PSD4: variants seen among roughly 807,000 people sequenced by gnomAD.
PSD4 encodes the protein PH and SEC7 domain-containing protein 4.
PSD4 carries 59 observed loss-of-function variants against 112.5 expected under a neutral mutation model. The ratio of observed to expected loss-of-function variants is 0.52; its 90% CI spans 0.43 to 0.65. The LOEUF is 0.65. PSD4 is among the 30% of genes least tolerant of loss of function. The probability of loss-of-function intolerance (pLI) is 0.00; values close to 1 mark genes in which losing one functional copy is unlikely to be tolerated. For synonymous variants in PSD4, 533 were observed against 540.0 expected (o/e 0.99, Z 0.18); for missense variants, 1,267 against 1,352.6 (o/e 0.94, Z 0.99).
intron 1 of PSD4, among the ~76,000 whole-genome samples, chr2:113,182,059 G>C (rs1355201851): frequency 1.3e-5 from 2 of 152,230 alleles, no homozygotes; most frequent in African/African-American, 4.8e-5. Context: ...CCCAAGAGAA[G>C]GATCTGATTT....
rs1303046109 is a variant in PSD4 at position 113,208,428 on chromosome 2, T to G, written c.*7013T>G. 2.6e-5 allele frequency: 4 copies of G among 152,192 alleles called. No homozygotes were observed. Among genetic ancestry groups the G allele is most frequent in the Non-Finnish European group, 5.9e-5 (4 of 68,036 alleles). 9.4% of individuals were successfully genotyped at this position (152,192 alleles called of 1,614,324 possible). ...TACTATATTACCTGTAAGACCACAC[T>G]CGGTGTCATCTCCTGCAAACTAGTC... On this transcript the variant is annotated 3_prime_UTR_variant, in exon 17 of 17. Transcript: ENST00000245796.
In PSD4 at chr2:113,199,181, C is replaced by G; in HGVS notation, c.2868C>G (p.Arg956=). 6.6e-7 allele frequency: 1 copy of G among 1,524,332 alleles called. No homozygotes were observed. The highest frequency in any genetic ancestry group is 8.8e-7 in the Non-Finnish European group (1 of 1,138,752). 94.4% of individuals were successfully genotyped at this position (1,524,332 alleles called of 1,614,324 possible). A position where few individuals can be genotyped will look rare whatever the true frequency, so the allele number is the denominator to read the frequency against. The part of the protein sequence containing the change: ...RNLPERRGRG[R]ELEEHRLRKE... Reference sequence around the variant, plus strand: ...TGCCGGAGCGGCGGGGCCGTGGCCGCGAGCTGGAGGAGCACCGCCTGCGGA... The same window carrying G: ...TGCCGGAGCGGCGGGGCCGTGGCCGGGAGCTGGAGGAGCACCGCCTGCGGA... The change falls in exon 16 of 17, where the codon CGC becomes CGG. Residue 956 remains arginine (R), a synonymous_variant. Transcript: ENST00000245796.
intron 1 of PSD4, among the ~76,000 whole-genome samples, chr2:113,181,634 G>A (rs1472563367): frequency 6.6e-6 from 1 of 152,166 alleles, no homozygotes; most frequent in Admixed American, 6.5e-5. Flanking sequence ...CCATGCAGCA[G>A]GCAGTCTGCT....
At chr2:113,187,012 G>A (rs905226633) in intron 5 of PSD4, among the ~76,000 whole-genome samples, 6 of 152,232 alleles carry the variant, frequency 3.9e-5, no homozygotes, top group African/African-American at 1.4e-4. Context: ...GTCCATGCAG[G>A]TTAGCTGTGG....
chr2:113,197,425 G>C, intron 12 of PSD4, 139 bp from the exon 13 acceptor site: 1 of 842,922 alleles, frequency 1.2e-6, no homozygotes, highest in Non-Finnish European at 2.0e-6. Flanking sequence ...GTGTTGGCAT[G>C]TTCTGCATTT....
intron 1 of PSD4, among the ~76,000 whole-genome samples, chr2:113,178,519 G>A (rs143291794): frequency 1.3e-4 from 20 of 151,682 alleles, no homozygotes; most frequent in East Asian, 5.8e-4. Context: ...CAGCATTAGC[G>A]TGTACCTAGA....
At chr2:113,186,418 C>T (rs2241977) in intron 5 of PSD4, among the ~76,000 whole-genome samples, 163 bp downstream of exon 5, 12,136 of 152,106 alleles carry the variant, frequency 0.08, 1,168 homozygotes, top group East Asian at 0.49. Context: ...TGAGAAAGAC[C>T]GTAAGATTCA....
At position 113,201,555 on chromosome 2, in the gene PSD4, C is replaced by T. The variant is rs1301364864; in HGVS notation, c.*140C>T. The T allele has an allele frequency of 4.1e-6, 5 of 1,209,490 alleles. No homozygotes were observed. Among genetic ancestry groups the T allele is most frequent in the Non-Finnish European group, 5.7e-6 (5 of 875,142 alleles). 74.9% of individuals were successfully genotyped at this position (1,209,490 alleles called of 1,614,324 possible). On this transcript the variant is annotated 3_prime_UTR_variant, in exon 17 of 17. Coordinates refer to ENST00000245796, the MANE Select transcript of PSD4 (RefSeq NM_012455.3). ...CCTGCTGAAGGACAAACCTTGTTTC[C>T]CTGTGGCCCTCATTCTTGTGCTCCC... is the stretch of plus-strand genomic sequence containing the variant.
Position 113,203,734 on chromosome 2 carries a change from A to G in PSD4, c.*2319A>G, listed in dbSNP as rs1688826846. 1 of 151,206 alleles carries G rather than the reference A, an allele frequency of 6.6e-6. No homozygotes were observed. The highest frequency in any genetic ancestry group is 2.4e-5 in the African/African-American group (1 of 41,064). The allele number at this position is 151,206 out of a possible 1,614,324, so 9.4% of individuals were successfully genotyped here. A position where few individuals can be genotyped will look rare whatever the true frequency, so the allele number is the denominator to read the frequency against. On this transcript the variant is annotated 3_prime_UTR_variant, in exon 17 of 17. Transcript: ENST00000245796. ...GCCACCACGCCCGGCTATTTTTTGT[A>G]TTTTTAGTAGAGATGGGGTTTCGTC...
At chr2:113,184,573 A>G (rs1688238965) in intron 2 of PSD4, among the ~76,000 whole-genome samples, 1 of 151,946 alleles carries the variant, frequency 6.6e-6, no homozygotes, top group African/African-American at 2.4e-5. Context: ...AGGTTTCACC[A>G]TGTTGGCCAG....
intron 1 of PSD4, among the ~76,000 whole-genome samples, chr2:113,180,035 G>T (rs1233542137): frequency 6.6e-6 from 1 of 152,188 alleles, no homozygotes; most frequent in Non-Finnish European, 1.5e-5. Context: ...TACTTTCAAG[G>T]TGAATAAGAA....
At chr2:113,184,074 T>G (rs1688223262) in intron 2 of PSD4, among the ~76,000 whole-genome samples, 1 of 152,196 alleles carries the variant, frequency 6.6e-6, no homozygotes, top group Non-Finnish European at 1.5e-5. Flanking sequence ...ATTCTTAATA[T>G]CAACTAAGGA....
Position 113,201,500 on chromosome 2 carries a change from T to A in PSD4, c.*85T>A. On this transcript the variant is annotated 3_prime_UTR_variant, in exon 17 of 17. Transcript: ENST00000245796. The stretch of plus-strand genomic sequence containing the variant: ...CCTGGAGGAGACTTATTTCAATGAG[T>A]CCACCATGACGGATGAGGCACCTCC... The A allele has an allele frequency of 6.5e-7, 1 of 1,534,564 alleles. No individual in the cohort carries two copies. The highest frequency in any genetic ancestry group is 8.8e-7 in the Non-Finnish European group (1 of 1,133,156).
chr2:113,199,250 C>T lies in PSD4; in HGVS notation c.2913+24C>T, dbSNP rs1363530830. On this transcript the variant is annotated intron_variant, in intron 16 of 16. Transcript: ENST00000245796. ...AGGTGAGCGGCCGAGCCCACCTCCC[C>T]GCCGCTGCGCAGCGCCCTCTCCGCC... 1.2e-5 allele frequency: 17 copies of T among 1,439,344 alleles called. No homozygotes were observed. In the East Asian group the frequency reaches 5.1e-4, roughly 43 times the overall value. 89.2% of individuals were successfully genotyped at this position (1,439,344 alleles called of 1,614,324 possible). A position where few individuals can be genotyped will look rare whatever the true frequency, so the allele number is the denominator to read the frequency against.
At chr2:113,196,016 G>C in intron 11 of PSD4, 131 bp from the exon 12 acceptor site, 1 of 1,221,292 alleles carries the variant, frequency 8.2e-7, no homozygotes, top group South Asian at 1.4e-5. Context: ...TGTGAAGGAG[G>C]ACTCCTTGTG....
At position 113,197,887 on chromosome 2, in the gene PSD4, C is replaced by G; in HGVS notation, c.2598C>G (p.Asp866Glu). The G allele has an allele frequency of 6.3e-7, 1 of 1,595,792 alleles. No homozygotes were observed. Among genetic ancestry groups the G allele is most frequent in the Admixed American group, 1.7e-5 (1 of 59,386 alleles). The stretch of plus-strand genomic sequence containing the variant: ...ACGTCTTCCAGCTGCGCACGGCTGA[C>G]TGGCGCCTCTACCTCTTCCAGGCAC... Reference protein sequence around the residue: ...KPHVFQLRTADWRLYLFQAPT... With the variant: ...KPHVFQLRTAEWRLYLFQAPT... Residue 866 changes from aspartate to glutamate, a missense_variant, in exon 14 of 17, where the codon GAC (aspartate) becomes GAG (glutamate). Physicochemically the swap from Asp to Glu is conservative, Grantham distance 45. Around this residue, in one of 2 missense-constraint regions of PSD4, gnomAD observed 544 missense variants for 648.6 expected, o/e 0.84. Coordinates refer to ENST00000245796, the MANE Select transcript of PSD4 (RefSeq NM_012455.3).
At chr2:113,177,024 A>G (rs2104489260) in intron 1 of PSD4, among the ~76,000 whole-genome samples, 1 of 152,376 alleles carries the variant, frequency 6.6e-6, no homozygotes, top group East Asian at 1.9e-4. Flanking sequence ...ACAGTTACAC[A>G]GTGCCCCCTG....
Position 113,193,927 on chromosome 2 carries a change from C to T in PSD4, c.2160C>T (p.Asn720=). The T allele has an allele frequency of 6.2e-7, 1 of 1,614,180 alleles. No individual in the cohort carries two copies. The highest frequency in any genetic ancestry group is 8.5e-7 in the Non-Finnish European group (1 of 1,180,014). Residue 720 remains asparagine, a synonymous_variant, in exon 10 of 17, where the codon AAC becomes AAT. Transcript: ENST00000245796. ...TGAATGGGCTGAGGGATGGCGGGAA[C>T]TTCCCCAAGGAGCTGCTGAAGGTAT... ...TNLNGLRDGG[N]FPKELLKALY... is the part of the protein sequence containing the mutation.
At chr2:113,181,215 G>A (rs1228044972) in intron 1 of PSD4, among the ~76,000 whole-genome samples, 28 of 142,974 alleles carry the variant, frequency 2.0e-4, no homozygotes, top group Admixed American at 1.8e-3. Flanking sequence ...GTGACAGAGC[G>A]AGACTCTGTC....
Sources: allele counts gnomAD v4.1 joint callset (sites outside exome capture counted in the v4.1 genomes callset), GRCh38; gene constraint gnomAD v4.1.1; regional missense constraint gnomAD v4.1.1; transcripts MANE v1.5; gene names NCBI Gene and HGNC (gene_info 2026-07-23, HGNC 2026-07-21).